Variants in EZR observed in about 807,000 individuals in gnomAD.
The protein encoded by EZR is ezrin, also known as cytovillin 2.
EZR carries 40 observed loss-of-function variants against 74.8 expected under a neutral mutation model. The observed-to-expected ratio is 0.53, with a 90% CI of 0.42 to 0.70. The LOEUF (loss-of-function observed/expected upper bound fraction) is 0.70, where lower values mean the gene tolerates loss of function less well. EZR is among the 30% of genes least tolerant of loss of function. The probability of loss-of-function intolerance (pLI) is 0.00; values close to 1 mark genes in which losing one functional copy is unlikely to be tolerated. For missense variants in EZR, 678 were observed against 755.8 expected (o/e 0.90, Z 1.21); for synonymous variants, 341 against 283.3 (o/e 1.20, Z -2.05).
intron 2 of EZR, among the ~76,000 whole-genome samples, chr6:158,803,654 C>CATACATATATATATATATACAT (rs1777266646): frequency 1.0e-4 from 3 of 29,808 alleles, no homozygotes; most frequent in African/African-American, 3.1e-4. Context: ...TATATATATA[C>CATACATATATATATATATACAT]ATATATATAT....
intron 2 of EZR, among the ~76,000 whole-genome samples, chr6:158,790,458 T>G (rs578034449): frequency 2.0e-4 from 31 of 152,324 alleles, no homozygotes; most frequent in South Asian, 4.1e-4. Flanking sequence ...GTGGACCACT[T>G]GAGGTCAGGA....
At position 158,789,366 on chromosome 6, in the gene EZR, A is replaced by G. The variant is rs1791673788; in HGVS notation, c.18T>C (p.Asn6=). The G allele has an allele frequency of 1.9e-6, 3 of 1,613,818 alleles. No individual in the cohort carries two copies. Among genetic ancestry groups the G allele is most frequent in the South Asian group, 2.2e-5 (2 of 91,086 alleles). Residue 6 remains asparagine, a synonymous_variant, in exon 3 of 14, where the codon AAT becomes AAC. Coordinates refer to ENST00000367075, the MANE Select transcript of EZR (RefSeq NM_001111077.2). ...CTGCATCCATGGTGGTAACTCGGAC[A>G]TTGATCTGAAAAACAGAATGAAACA... is the stretch of plus-strand genomic sequence containing the variant. The part of the protein sequence containing the change: MPKPI[N]VRVTTMDAEL...
chr6:158,776,941 C>G (rs1791296686), intron 7 of EZR, among the ~76,000 whole-genome samples: 1 of 152,172 alleles, frequency 6.6e-6, no homozygotes, highest in South Asian at 2.1e-4. Context: ...GTCTGCTGAT[C>G]TGATTAATTT....
intron 2 of EZR, among the ~76,000 whole-genome samples, chr6:158,798,241 C>A (rs779739265): frequency 3.4e-5 from 4 of 116,660 alleles, no homozygotes; most frequent in Admixed American, 3.1e-4. Flanking sequence ...GGACATTTAA[C>A]TTGCTCCTTG....
chr6:158,790,149 T>C (rs1249698359), intron 2 of EZR, among the ~76,000 whole-genome samples: 1 of 152,194 alleles, frequency 6.6e-6, no homozygotes. Flanking sequence ...AAATGGATTA[T>C]GTAGTGATAT....
At chr6:158,783,822 G>A (rs1183036033) in intron 6 of EZR, among the ~76,000 whole-genome samples, 156 bp from the exon 7 acceptor site, 5 of 152,220 alleles carry the variant, frequency 3.3e-5, no homozygotes, top group Non-Finnish European at 1.5e-5. Flanking sequence ...CAGCCGACCG[G>A]TGAGGAGGGG....
rs1289320301 is a variant in EZR, at chr6:158,789,312, TG to T, written c.71del (p.Thr24LysfsTer11). ...AELEFAIQPN[T>X]TGKQLFDQVV... ...CCTGATCAAAAAGCTGTTTTCCAGTTGTATTTGGCTGGATTGCAAACTCCAG... is the reference window on the plus strand; with the variant it reads ...CCTGATCAAAAAGCTGTTTTCCAGTTTATTTGGCTGGATTGCAAACTCCAG... On this transcript the variant is annotated frameshift_variant, in exon 3 of 14. Coordinates refer to ENST00000367075, the MANE Select transcript of EZR (RefSeq NM_001111077.2). LOFTEE classifies it high-confidence loss of function. The T allele has an allele frequency of 1.2e-6, 2 of 1,614,086 alleles. No individual in the cohort carries two copies. The highest frequency in any genetic ancestry group is 1.7e-6 in the Non-Finnish European group (2 of 1,180,016).
intron 8 of EZR, among the ~76,000 whole-genome samples, chr6:158,775,952 G>A (rs921652974): frequency 5.9e-4 from 90 of 152,230 alleles, no homozygotes; most frequent in African/African-American, 2.1e-3. Flanking sequence ...AGAAGTGGGT[G>A]AAGCCCCGAT....
rs550560050 is a variant in EZR at position 158,766,712 on chromosome 6, T to C, written c.*202A>G. 1.6e-6 allele frequency: 1 copy of C among 611,788 alleles called. No homozygotes were observed. Among genetic ancestry groups the C allele is most frequent in the Non-Finnish European group, 2.9e-6 (1 of 343,510 alleles). 37.9% of individuals were successfully genotyped at this position (611,788 alleles called of 1,614,324 possible). A position where few individuals can be genotyped will look rare whatever the true frequency, so the allele number is the denominator to read the frequency against. ...CGAGAATAATCGCGAGAATCAGGCCTGCTTGGCACTATTACAACTGGGGAA... is the reference window on the plus strand; with the variant it reads ...CGAGAATAATCGCGAGAATCAGGCCCGCTTGGCACTATTACAACTGGGGAA... On this transcript the variant is annotated 3_prime_UTR_variant, in exon 14 of 14. Transcript: ENST00000367075.
chr6:158,788,504 G>C (rs1284507100), intron 3 of EZR: 1 of 152,160 alleles, frequency 6.6e-6, no homozygotes, highest in Non-Finnish European at 1.5e-5. Context: ...AAAATTAGCA[G>C]GGCGTGGTAG....
intron 8 of EZR, 41 bp downstream of exon 8, chr6:158,776,367 T>TTTTTTC: frequency 6.7e-7 from 1 of 1,495,738 alleles, no homozygotes. Flanking sequence ...AGTATAAGAA[T>TTTTTTC]GAAAAACAGT....
At chr6:158,783,469 T>C (rs747091031) in intron 7 of EZR, 51 bp downstream of exon 7, 11 of 1,549,124 alleles carry the variant, frequency 7.1e-6, no homozygotes, top group East Asian at 2.3e-5. Context: ...TTGCCATTGT[T>C]TCCAGGCCCA....
chr6:158,775,720 C>T (rs1365385691), intron 8 of EZR, among the ~76,000 whole-genome samples: 1 of 152,238 alleles, frequency 6.6e-6, no homozygotes, highest in Non-Finnish European at 1.5e-5. Context: ...ACCCATTCTA[C>T]AATGCTACAG....
rs919894275 is a variant in EZR at position 158,799,321 on chromosome 6, C to T, written c.13-9950G>A. Among the ~76,000 whole-genome samples the T allele has an allele frequency of 3.9e-5, 6 of 152,214 alleles. No homozygotes were observed. The South Asian group carries it at 1.0e-3, about 26-fold the overall frequency. ...CATTTCCATGTTTACCGGCTCACAGCTGATGCCAAGGTCACGCTATGACCA... is the reference window on the plus strand; with the variant it reads ...CATTTCCATGTTTACCGGCTCACAGTTGATGCCAAGGTCACGCTATGACCA... On this transcript the variant is annotated intron_variant, in intron 2 of 13. Coordinates refer to ENST00000367075, the MANE Select transcript of EZR (RefSeq NM_001111077.2).
At chr6:158,803,308 G>A (rs1021217506) in intron 2 of EZR, among the ~76,000 whole-genome samples, 1 of 151,088 alleles carries the variant, frequency 6.6e-6, no homozygotes, top group Non-Finnish European at 1.5e-5. Context: ...CTCCAAATGA[G>A]TACTCGATAC....
intron 7 of EZR, among the ~76,000 whole-genome samples, chr6:158,781,987 G>A (rs376017701): frequency 2.6e-5 from 4 of 152,090 alleles, no homozygotes; most frequent in Non-Finnish European, 5.9e-5. Context: ...CAAGACTCCT[G>A]AGCTCAAGGG....
Position 158,785,351 on chromosome 6 carries a change from T to A in EZR, c.425A>T (p.His142Leu). Reference sequence around the variant, plus strand: ...CTCAGAGCTGAGGTACCCAGACTTGTGCACTTCTTTGTTGTAGTCCCCAAA... The same window carrying A: ...CTCAGAGCTGAGGTACCCAGACTTGAGCACTTCTTTGTTGTAGTCCCCAAA... ...AKFGDYNKEV[H>L]KSGYLSSERL... is the part of the protein sequence containing the mutation. The change falls in exon 5 of 14, where the codon CAC becomes CTC. Residue 142 changes from histidine (H) to leucine (L), a missense_variant. This residue lies in a region of EZR where 217 missense variants were observed against 232.2 expected (regional missense o/e 0.93). Transcript: ENST00000367075. 2 of 1,614,240 alleles carry A rather than the reference T, an allele frequency of 1.2e-6. No homozygotes were observed. The highest frequency in any genetic ancestry group is 1.7e-5 in the Admixed American group (1 of 60,028).
chr6:158,770,086 AAG>A, intron 10 of EZR, 142 bp from the exon 11 acceptor site: 1 of 1,126,014 alleles, frequency 8.9e-7, no homozygotes, highest in Admixed American at 2.6e-5. Flanking sequence ...CCCTGGAGGA[AAG>A]CACTTCACAG....
intron 8 of EZR, among the ~76,000 whole-genome samples, chr6:158,774,549 A>C (rs1306247982): frequency 6.6e-6 from 1 of 151,832 alleles, no homozygotes; most frequent in Non-Finnish European, 1.5e-5. Flanking sequence ...TTTGCTTACG[A>C]GATGGCTTCA....
Sources: gnomAD v4.1 joint callset for allele counts (sites outside exome capture counted in the v4.1 genomes callset) on GRCh38, gnomAD v4.1.1 for gene constraint, gnomAD v4.1.1 regional missense constraint, MANE v1.5 for transcripts, NCBI Gene and HGNC (gene_info 2026-07-23, HGNC 2026-07-21) for gene names.